FHIT: variants seen among roughly 807,000 people sequenced by gnomAD.
The protein encoded by FHIT is bis(5'-adenosyl)-triphosphatase.
Under a neutral mutation model 17.9 loss-of-function variants are expected in FHIT, and 19 were observed. The observed-to-expected ratio is 1.06, with a 90% CI of 0.74 to 1.56. The LOEUF is 1.56. Ranked by LOEUF, FHIT falls within the 40% of genes most tolerant of loss-of-function variation. FHIT has a pLI of 0.00. For synonymous variants in FHIT, 81 were observed against 69.7 expected (o/e 1.16, Z -0.81); for missense variants, 248 against 189.2 (o/e 1.31, Z -1.82).
chr3:60,875,844 G>C (rs1704626394), intron 3 of FHIT, among the ~76,000 whole-genome samples: 1 of 151,484 alleles, frequency 6.6e-6, no homozygotes, highest in Non-Finnish European at 1.5e-5. Flanking sequence ...AGCAGACATA[G>C]AATTGAGAAG....
chr3:59,790,954 T>C (rs150802680), intron 8 of FHIT, among the ~76,000 whole-genome samples: 2 of 152,324 alleles, frequency 1.3e-5, no homozygotes, highest in Non-Finnish European at 2.9e-5. Context: ...TCCTGTACTA[T>C]TGTTGAACTT....
At chr3:60,252,617 T>C (rs6808645) in intron 5 of FHIT, among the ~76,000 whole-genome samples, 5,152 of 152,084 alleles carry the variant, frequency 0.034, 292 homozygotes, top group African/African-American at 0.12. Context: ...AAGGGTATTA[T>C]GGTAGTAGAC....
chr3:60,003,176 C>T (rs1018192961), intron 7 of FHIT, among the ~76,000 whole-genome samples: 3 of 152,108 alleles, frequency 2.0e-5, no homozygotes, highest in African/African-American at 7.2e-5. Flanking sequence ...AGCCGAAACC[C>T]TCAGGTACAA....
chr3:59,778,467 G>C (rs899973356), intron 8 of FHIT, among the ~76,000 whole-genome samples: 3 of 152,140 alleles, frequency 2.0e-5, no homozygotes, highest in Admixed American at 2.0e-4. Context: ...CCCATTTTAG[G>C]ATGGAGCAGG....
intron 4 of FHIT, among the ~76,000 whole-genome samples, chr3:60,816,795 T>C (rs1701756028): frequency 6.6e-6 from 1 of 152,006 alleles, no homozygotes; most frequent in South Asian, 2.1e-4. Flanking sequence ...AATAGTTCAG[T>C]AGAATTGTAC....
intron 1 of FHIT, among the ~76,000 whole-genome samples, chr3:61,216,628 G>C (rs1396198966): frequency 6.6e-6 from 1 of 152,178 alleles, no homozygotes; most frequent in Non-Finnish European, 1.5e-5. Context: ...ATTTGACCCA[G>C]CCATGCCATT....
chr3:60,034,497 G>A (rs931719599), intron 5 of FHIT, among the ~76,000 whole-genome samples: 3 of 152,200 alleles, frequency 2.0e-5, no homozygotes, highest in African/African-American at 7.2e-5. Context: ...ATCAATTAGA[G>A]GGGAACATCT....
In FHIT at chr3:60,818,049, T is replaced by C. The variant is rs797033838; in HGVS notation, c.-18+3870A>G. The stretch of plus-strand genomic sequence containing the variant: ...TTTCCTCCAGTTGCTGTAAGTATAC[T>C]CAATGAGTTTTTATTTCAAATACTG... On this transcript the variant is annotated intron_variant, in intron 4 of 9. Coordinates refer to ENST00000492590, the MANE Select transcript of FHIT (RefSeq NM_002012.4). 3.3e-5 allele frequency among the ~76,000 whole-genome samples: 5 copies of C among 152,296 alleles called. 1 individual carries two copies. Among genetic ancestry groups the C allele is most frequent in the African/African-American group, 1.2e-4 (5 of 41,590 alleles).
chr3:60,867,004 A>G (rs1704192911), intron 3 of FHIT, among the ~76,000 whole-genome samples: 1 of 152,160 alleles, frequency 6.6e-6, no homozygotes, highest in Non-Finnish European at 1.5e-5. Flanking sequence ...GAAGCCAGGA[A>G]ATTGAATGTA....
At chr3:59,776,441 A>T (rs1575476084) in intron 8 of FHIT, among the ~76,000 whole-genome samples, 6 of 152,312 alleles carry the variant, frequency 3.9e-5, no homozygotes, top group Middle Eastern at 3.4e-3. Context: ...ATGTGACATA[A>T]ATAATAATAC....
At chr3:60,583,367 C>G in intron 4 of FHIT, among the ~76,000 whole-genome samples, 1 of 151,896 alleles carries the variant, frequency 6.6e-6, no homozygotes, top group East Asian at 1.9e-4. Context: ...GGTTGTCAAA[C>G]GTTTTCTGTA....
chr3:60,016,486 A>G (rs1700349890), intron 5 of FHIT, among the ~76,000 whole-genome samples: 1 of 152,168 alleles, frequency 6.6e-6, no homozygotes, highest in Non-Finnish European at 1.5e-5. Context: ...CATCCATCCC[A>G]ACACTGCAGT....
chr3:61,218,122 T>C (rs1200521194), intron 1 of FHIT, among the ~76,000 whole-genome samples: 2 of 151,958 alleles, frequency 1.3e-5, no homozygotes, highest in African/African-American at 4.8e-5. Context: ...TATCTGTAAG[T>C]AGGAAGTAAC....
chr3:60,433,329 C>T (rs979240492), intron 5 of FHIT, among the ~76,000 whole-genome samples: 3 of 151,872 alleles, frequency 2.0e-5, no homozygotes, highest in African/African-American at 7.3e-5. Flanking sequence ...TGTGGAAGGA[C>T]ATTTAGGTTG....
chr3:60,769,684 G>A (rs1353201494), intron 4 of FHIT, among the ~76,000 whole-genome samples: 1 of 152,208 alleles, frequency 6.6e-6, no homozygotes, highest in Non-Finnish European at 1.5e-5. Context: ...ACAGCTCAGT[G>A]TTTGCCTTGT....
At chr3:59,841,225 A>T (rs1179939050) in intron 8 of FHIT, among the ~76,000 whole-genome samples, 1 of 152,098 alleles carries the variant, frequency 6.6e-6, no homozygotes, top group Non-Finnish European at 1.5e-5. Flanking sequence ...AACTAGATCT[A>T]GGTATGTGTG....
chr3:59,869,484 C>CTTTGTTTTTTTTTT, intron 8 of FHIT, among the ~76,000 whole-genome samples: 1 of 105,488 alleles, frequency 9.5e-6, no homozygotes, highest in Non-Finnish European at 1.8e-5. Context: ...AAAGAACATC[C>CTTTGTTTTTTTTTT]TTTTTTTTTT....
intron 4 of FHIT, among the ~76,000 whole-genome samples, chr3:60,793,099 G>C (rs1239679634): frequency 6.6e-6 from 1 of 152,126 alleles, no homozygotes; most frequent in East Asian, 1.9e-4. Context: ...GCCAGTTCTA[G>C]CTTGGAGTTT....
chr3:60,254,131 T>G (rs1705863851), intron 5 of FHIT, among the ~76,000 whole-genome samples: 1 of 152,072 alleles, frequency 6.6e-6, no homozygotes, highest in Admixed American at 6.6e-5. Context: ...CCCAATTGCT[T>G]CTTAGGGCAC....
Sources: allele counts gnomAD v4.1 joint callset (sites outside exome capture counted in the v4.1 genomes callset), GRCh38; gene constraint gnomAD v4.1.1; transcripts MANE v1.5; gene names NCBI Gene and HGNC (gene_info 2026-07-23, HGNC 2026-07-21).